The following ZNF534 variants were observed in gnomAD, a reference collection of about 807,000 sequenced individuals.
ZNF534 encodes KRAB domain only 3.
Under a neutral mutation model 13.6 loss-of-function variants are expected in ZNF534, and 19 were observed. The observed-to-expected ratio is 1.40, with a 90% CI of 0.97 to 2.05. ZNF534 has a LOEUF of 2.05. Among genes scored for constraint, ZNF534 ranks in the 30% most tolerant of loss-of-function variants. The probability of loss-of-function intolerance (pLI) is 0.00; values close to 1 mark genes in which losing one functional copy is unlikely to be tolerated. For synonymous variants in ZNF534, 244 were observed against 273.8 expected (o/e 0.89, Z 1.07); for missense variants, 782 against 796.3 (o/e 0.98, Z 0.22).
At chr19:52,433,226 G>C (rs1016850083) in intron 2 of ZNF534, among the ~76,000 whole-genome samples, 3 of 81,458 alleles carry the variant, frequency 3.7e-5, no homozygotes, top group Non-Finnish European at 6.6e-5. Context: ...GAAACAGTAA[G>C]ATCCTATCTC....
At chr19:52,435,270 A>G in intron 4 of ZNF534, 61 bp downstream of exon 4, 1 of 1,525,890 alleles carries the variant, frequency 6.6e-7, no homozygotes, top group African/African-American at 1.4e-5. Flanking sequence ...GAAGGGTCTC[A>G]CTCTGTCATC....
chr19:52,449,561 A>G (rs770536786), intron 4 of ZNF534, among the ~76,000 whole-genome samples: 11 of 151,916 alleles, frequency 7.2e-5, no homozygotes, highest in Non-Finnish European at 1.5e-4. Context: ...ATTTTTGATG[A>G]TAGCCATTCT....
intron 2 of ZNF534, among the ~76,000 whole-genome samples, chr19:52,433,241 A>T (rs113788045): frequency 1.3e-5 from 2 of 149,536 alleles, no homozygotes; most frequent in Non-Finnish European, 3.0e-5. Context: ...TATCTCAAAA[A>T]AAAAAAAAAA....
intron 4 of ZNF534, among the ~76,000 whole-genome samples, chr19:52,436,575 A>G (rs967807509): frequency 6.6e-6 from 1 of 152,064 alleles, no homozygotes; most frequent in Non-Finnish European, 1.5e-5. Flanking sequence ...AATAGTTTGT[A>G]TATTGTTCCA....
At chr19:52,429,473 G>C (rs1375184654) in intron 1 of ZNF534, among the ~76,000 whole-genome samples, 1 of 146,302 alleles carries the variant, frequency 6.8e-6, no homozygotes, top group Non-Finnish European at 1.5e-5. Flanking sequence ...CTGGCACTTT[G>C]CTATTTTTTT....
Position 52,438,151 on chromosome 19 carries a change from C to A in ZNF534, c.691C>A (p.Gln231Lys). The A allele has an allele frequency of 6.2e-7, 1 of 1,613,748 alleles. No homozygotes were observed. The highest frequency in any genetic ancestry group is 8.5e-7 in the Non-Finnish European group (1 of 1,179,888). Residue 231 changes from glutamine to lysine, a missense_variant, in exon 5 of 5, where the codon CAA (glutamine) becomes AAA (lysine). Coordinates refer to ENST00000433050, the MANE Select transcript of ZNF534 (RefSeq NM_001143938.3). Reference protein sequence around the residue: ...EIFSSNSNFAQHQRIHTGEKP... With the variant: ...EIFSSNSNFAKHQRIHTGEKP... ...CTTTAGTAGCAATTCAAACTTTGCACAACATCAACGAATCCATACTGGAGA... is the reference window on the plus strand; with the variant it reads ...CTTTAGTAGCAATTCAAACTTTGCAAAACATCAACGAATCCATACTGGAGA...
rs1293814477 is a variant in ZNF534 at position 52,440,194 on chromosome 19, A to C, written c.*748A>C. Among the ~76,000 whole-genome samples, 1 of 152,208 alleles carries C rather than the reference A, an allele frequency of 6.6e-6. No individual in the cohort carries two copies. ...ACTGGAAGGAAACCATAGAAATATA[A>C]AGAATACAAGAAGGTCTTCAGGCAC... On this transcript the variant is annotated 3_prime_UTR_variant, in exon 5 of 5. Coordinates refer to ENST00000433050, the MANE Select transcript of ZNF534 (RefSeq NM_001143938.3).
At position 52,439,532 on chromosome 19, in the gene ZNF534, A is replaced by C. The variant is rs2059157812; in HGVS notation, c.*86A>C. 3.2e-6 allele frequency: 4 copies of C among 1,234,646 alleles called. No homozygotes were observed. The highest frequency in any genetic ancestry group is 2.9e-5 in the Admixed American group (1 of 34,936). 76.5% of individuals were successfully genotyped at this position (1,234,646 alleles called of 1,614,324 possible). On this transcript the variant is annotated 3_prime_UTR_variant, in exon 5 of 5. Transcript: ENST00000433050. ...TCCGAGGCAGGTGGATCATGAGGTC[A>C]GGAGATTGAGACCATCCTGGCTAAC...
rs1211599244 is a variant in ZNF534 at position 52,439,467 on chromosome 19, GGC to G, written c.*24_*25del. ...CTTAAAAATTTAGTGAAGCTGGCAG[GGC>G]GCAGTGGCTCACGTCTGTAATCCCA... On this transcript the variant is annotated 3_prime_UTR_variant, in exon 5 of 5. Transcript: ENST00000433050. 26 of 1,495,866 alleles carry G rather than the reference GGC, an allele frequency of 1.7e-5. No homozygotes were observed. In the East Asian group the frequency reaches 6.2e-4, roughly 35 times the overall value. The allele number at this position is 1,495,866 out of a possible 1,614,324, so 92.7% of individuals were successfully genotyped here.
chr19:52,451,312 G>A, exon 5 of ZNF534: 3 of 1,148,498 alleles, frequency 2.6e-6, no homozygotes, highest in Admixed American at 1.9e-5. Flanking sequence ...CTCGCCCCTC[G>A]CTCTGCTACC....
Position 52,438,984 on chromosome 19 carries a change from C to G in ZNF534, c.1524C>G (p.His508Gln). 1 of 1,604,254 alleles carries G rather than the reference C, an allele frequency of 6.2e-7. No individual in the cohort carries two copies. Among genetic ancestry groups the G allele is most frequent in the Non-Finnish European group, 8.5e-7 (1 of 1,174,828 alleles). Reference sequence around the variant, plus strand: ...GCAAGGTCTTCCGTCAGAATTCACACCTTGCACAACATAGGGATATTCATA... The same window carrying G: ...GCAAGGTCTTCCGTCAGAATTCACAGCTTGCACAACATAGGGATATTCATA... ...ECGKVFRQNS[H>Q]LAQHRDIHTG... The change falls in exon 5 of 5, where the codon CAC becomes CAG. Residue 508 changes from histidine (H) to glutamine (Q), a missense_variant. By Grantham distance (24) the His-to-Gln change is conservative (BLOSUM62 0). Coordinates refer to ENST00000433050, the MANE Select transcript of ZNF534 (RefSeq NM_001143938.3).
Position 52,437,690 on chromosome 19 carries a change from C to T in ZNF534, c.272-42C>T, listed in dbSNP as rs750394096. ...TGTTTTCTGTCAGACTTTAAACATG[C>T]CAGAATCGGGATTAAGTTCTAAAAT... On this transcript the variant is annotated intron_variant, in intron 4 of 4. Transcript: ENST00000433050. 4.7e-6 allele frequency: 7 copies of T among 1,502,772 alleles called. No homozygotes were observed. The African/African-American group carries it at 9.8e-5, about 21-fold the overall frequency. The allele number at this position is 1,502,772 out of a possible 1,614,324, so 93.1% of individuals were successfully genotyped here.
intron 3 of ZNF534, 103 bp downstream of exon 3, chr19:52,434,184 T>G (rs1190339020): frequency 1.3e-6 from 2 of 1,499,082 alleles, no homozygotes; most frequent in Middle Eastern, 1.8e-4. Context: ...TGACTGAGAT[T>G]GAAACCTGTT....
rs75248649 is a variant in ZNF534, at chr19:52,439,587, CAA to C, written c.*162_*163del. On this transcript the variant is annotated 3_prime_UTR_variant, in exon 5 of 5. Coordinates refer to ENST00000433050, the MANE Select transcript of ZNF534 (RefSeq NM_001143938.3). ...TGAAACCCCATCTCTACTAAAAATA[CAA>C]AAAAAAAAAAAAAAAAAAAATTAGC... The C allele has an allele frequency of 3.5e-3, 1,740 of 503,602 alleles. 9 individuals are homozygous for C. The highest frequency in any genetic ancestry group is 0.03 in the African/African-American group (1,398 of 46,690). The allele number at this position is 503,602 out of a possible 1,614,324, so 31.2% of individuals were successfully genotyped here.
rs8105059 is a variant in ZNF534, at chr19:52,441,876, G to A, written c.*2430G>A. On this transcript the variant is annotated 3_prime_UTR_variant, in exon 5 of 5. Coordinates refer to ENST00000433050, the MANE Select transcript of ZNF534 (RefSeq NM_001143938.3). The stretch of plus-strand genomic sequence containing the variant: ...ATGTTTTAGTCACAATTCACACCTT[G>A]GACAGCATCAGATAATTTATTCATG... 2.1e-3 allele frequency among the ~76,000 whole-genome samples: 324 copies of A among 152,270 alleles called. No homozygotes were observed. Among genetic ancestry groups the A allele is most frequent in the African/African-American group, 7.4e-3 (306 of 41,558 alleles).
chr19:52,445,979 C>G (rs1254108255), downstream of ZNF534, among the ~76,000 whole-genome samples: 3 of 152,122 alleles, frequency 2.0e-5, no homozygotes, highest in East Asian at 3.8e-4. Context: ...AATTTTGTGA[C>G]ATGAAAATGC....
chr19:52,432,669 G>A (rs753136695), intron 2 of ZNF534, among the ~76,000 whole-genome samples: 14 of 150,090 alleles, frequency 9.3e-5, no homozygotes, highest in South Asian at 2.1e-4. Context: ...GTCTCGCCCT[G>A]TCACCCAGGC....
Position 52,437,793 on chromosome 19 carries a change from A to G in ZNF534, c.333A>G (p.Leu111=), listed in dbSNP as rs1198606345. The G allele has an allele frequency of 6.2e-7, 1 of 1,610,002 alleles. No homozygotes were observed. Among genetic ancestry groups the G allele is most frequent in the Admixed American group, 1.7e-5 (1 of 59,692 alleles). The change falls in exon 5 of 5, where the codon TTA becomes TTG. Residue 111 remains leucine (L), a synonymous_variant. Transcript: ENST00000433050. The part of the protein sequence containing the change: ...GNKSLKNQHG[L]TLQLHLTEWQ... ...AGTCACTTAAAAATCAACATGGATT[A>G]ACTCTTCAGTTACATCTGACTGAAT...
In ZNF534 at chr19:52,436,608, A is replaced by G. The variant is rs566665159; in HGVS notation, c.272-1124A>G. Among the ~76,000 whole-genome samples the G allele has an allele frequency of 1.1e-4, 16 of 152,222 alleles. No individual in the cohort carries two copies. In the East Asian group the frequency reaches 2.9e-3, roughly 28 times the overall value. On this transcript the variant is annotated intron_variant, in intron 4 of 4. Transcript: ENST00000433050. ...CCACCTTATAGTCTCTCAAAAATGTATTAGGGTTTGTAAGGTTTTCTTCAT... is the reference window on the plus strand; with the variant it reads ...CCACCTTATAGTCTCTCAAAAATGTGTTAGGGTTTGTAAGGTTTTCTTCAT...
Sources: allele counts gnomAD v4.1 joint callset (sites outside exome capture counted in the v4.1 genomes callset), GRCh38; gene constraint gnomAD v4.1.1; transcripts MANE v1.5; gene names NCBI Gene and HGNC (gene_info 2026-07-23, HGNC 2026-07-21).